The following CLEC12A variants were observed in gnomAD, a reference collection of about 807,000 sequenced individuals.
CLEC12A encodes C-type lectin protein CLL-1.
In CLEC12A, 22 loss-of-function variants were observed where a neutral mutation model predicts 26.5. The observed-to-expected ratio is 0.83, with a 90% confidence interval of 0.59 to 1.19. CLEC12A has a LOEUF of 1.19. CLEC12A is among the 50% of genes most tolerant of loss of function. The probability of loss-of-function intolerance (pLI) is 0.00; values close to 1 mark genes in which losing one functional copy is unlikely to be tolerated. For missense variants in CLEC12A, 353 were observed against 315.6 expected, an observed-to-expected ratio of 1.12 and a Z score of -0.90; for synonymous variants, 119 against 101.9, an observed-to-expected ratio of 1.17 and a Z score of -1.01.
rs752486060 is a variant in CLEC12A, at chr12:9,982,115, C to T, written c.627C>T (p.Ile209=). Residue 209 remains isoleucine, a synonymous_variant, in exon 5 of 6, where the codon ATC becomes ATT. Transcript: ENST00000304361. ...STRGMRVDNI[I]NSSAWVIRNA... ...GTGGTATGAGAGTGGATAATATAAT[C>T]AACTCCTCTGCCTGGTAAGTGTCTA... is the stretch of plus-strand genomic sequence containing the variant. 1 of 1,558,540 alleles carries T rather than the reference C, an allele frequency of 6.4e-7. No homozygotes were observed. The highest frequency in any genetic ancestry group is 1.1e-5 in the South Asian group (1 of 89,574).
Position 9,979,062 on chromosome 12 carries a change from T to C in CLEC12A, c.188T>C (p.Met63Thr). 6.2e-7 allele frequency: 1 copy of C among 1,610,936 alleles called. No homozygotes were observed. The highest frequency in any genetic ancestry group is 8.5e-7 in the Non-Finnish European group (1 of 1,177,124). Residue 63 changes from methionine to threonine, a missense_variant and splice_region_variant, in exon 2 of 6, where the codon ATG becomes ACG. Met to Thr is a moderately conservative substitution (Grantham distance 81, BLOSUM62 -1). Transcript: ENST00000304361. ...LLIGLGVLASMFHVTLKIEMK... is the reference protein window; with the variant it reads ...LLIGLGVLASTFHVTLKIEMK... ...ATTGGATTGGGAGTCTTGGCAAGCA[T>C]GTGTATGTACTGCCCCTGTTTTTGT... is the stretch of plus-strand genomic sequence containing the variant.
chr12:9,962,007 T>C (rs906081879), intron 1 of CLEC12A, among the ~76,000 whole-genome samples: 2 of 152,154 alleles, frequency 1.3e-5, no homozygotes, highest in African/African-American at 4.8e-5. Flanking sequence ...AGGAAATGGA[T>C]ATGGAGTTGT....
rs184086895 is a variant in CLEC12A at position 9,993,805 on chromosome 12, A to G, written n.1005-1213A>G. On this transcript the variant is annotated intron_variant and non_coding_transcript_variant, in intron 4 of 4. Coordinates refer to the CLEC12A transcript ENST00000449959. Reference sequence around the variant, plus strand: ...GTATTGTAATTGTCTGTTAAGTTATATTTCTTTCTTTCTAAACTGCTTATA... The same window carrying G: ...GTATTGTAATTGTCTGTTAAGTTATGTTTCTTTCTTTCTAAACTGCTTATA... 5.3e-4 allele frequency among the ~76,000 whole-genome samples: 80 copies of G among 152,242 alleles called. 1 individual carries two copies. The highest frequency in any genetic ancestry group is 1.9e-3 in the African/African-American group (79 of 41,576).
intron 1 of CLEC12A, among the ~76,000 whole-genome samples, chr12:9,957,172 T>C (rs1160650865): frequency 4.6e-5 from 7 of 151,984 alleles, no homozygotes; most frequent in Non-Finnish European, 1.0e-4. Flanking sequence ...AAAGGGCAGA[T>C]ATTGGGGAAA....
downstream of CLEC12A, among the ~76,000 whole-genome samples, chr12:9,996,063 T>C (rs1296746113): frequency 6.6e-6 from 1 of 152,160 alleles, no homozygotes; most frequent in Non-Finnish European, 1.5e-5. Flanking sequence ...CAAGTGATAA[T>C]GCATTCTTGG....
chr12:9,961,189 T>G lies in CLEC12A; in HGVS notation c.10+9833T>G, dbSNP rs117564390. ...GGTTGTAGAGACCAAGGTTTTATCA[T>G]GCAAATGAAGCCTCCAGACAGCAGA... is the stretch of plus-strand genomic sequence containing the variant. On this transcript the variant is annotated intron_variant, in intron 1 of 6. Coordinates refer to the CLEC12A transcript ENST00000355690. Among the ~76,000 whole-genome samples, 907 of 152,326 alleles carry G rather than the reference T, an allele frequency of 6.0e-3. 3 individuals carry two copies. The highest frequency in any genetic ancestry group is 0.01 in the Non-Finnish European group (703 of 68,024).
Position 9,985,191 on chromosome 12 carries a change from G to C in CLEC12A, c.*165G>C, listed in dbSNP as rs1218600996. Reference sequence around the variant, plus strand: ...GCAAGCTTCAGAGAGAATAGACTGTGAATGTTAATGCCAGAGAGGTATAAT... The same window carrying C: ...GCAAGCTTCAGAGAGAATAGACTGTCAATGTTAATGCCAGAGAGGTATAAT... On this transcript the variant is annotated 3_prime_UTR_variant, in exon 6 of 6. Coordinates refer to ENST00000304361, the MANE Select transcript of CLEC12A (RefSeq NM_138337.6). 5.9e-6 allele frequency: 4 copies of C among 676,694 alleles called. No homozygotes were observed. The highest frequency in any genetic ancestry group is 8.6e-6 in the Non-Finnish European group (4 of 466,096). 41.9% of individuals were successfully genotyped at this position (676,694 alleles called of 1,614,324 possible).
upstream of CLEC12A, among the ~76,000 whole-genome samples, chr12:9,966,710 G>A (rs56060582): frequency 0.57 from 85,158 of 149,058 alleles, 24,766 homozygotes; most frequent in South Asian, 0.71. Flanking sequence ...CTTTGAAGGC[G>A]AGGTTAATTA....
rs554515332 is a variant in CLEC12A at position 9,982,231 on chromosome 12, T to G, written c.641+102T>G. ...AATTAAAACCAGCTTCAATTGAAAT[T>G]GCATGCTAAAAGAACCCTTTTCTAT... On this transcript the variant is annotated intron_variant, in intron 5 of 5. Coordinates refer to ENST00000304361, the MANE Select transcript of CLEC12A (RefSeq NM_138337.6). The G allele has an allele frequency of 1.5e-5, 10 of 659,434 alleles. No homozygotes were observed. The African/African-American group carries it at 1.9e-4, about 12-fold the overall frequency. 40.8% of individuals were successfully genotyped at this position (659,434 alleles called of 1,614,324 possible). A position where few individuals can be genotyped will look rare whatever the true frequency, so the allele number is the denominator to read the frequency against.
upstream of CLEC12A, among the ~76,000 whole-genome samples, chr12:9,970,891 GCTTTTAA>G (rs977706570): frequency 6.6e-6 from 1 of 152,112 alleles, no homozygotes; most frequent in Non-Finnish European, 1.5e-5. Flanking sequence ...AATTACTTTT[GCTTTTAA>G]TGGCAAAAAC....
chr12:9,994,833 G>GCACACA (rs34982294), intron 4 of CLEC12A, among the ~76,000 whole-genome samples: 16 of 150,766 alleles, frequency 1.1e-4, no homozygotes, highest in South Asian at 2.1e-4. Context: ...GTGCATGCGC[G>GCACACA]CACACACACA....
At chr12:9,996,902 G>A, downstream of CLEC12A, 1 of 1,613,886 alleles carries the variant, frequency 6.2e-7, no homozygotes, top group Non-Finnish European at 8.5e-7. Flanking sequence ...GTGCAGTACT[G>A]CTTACTCTCT....
Position 9,982,075 on chromosome 12 carries a change from A to C in CLEC12A, c.587A>C (p.Glu196Ala). Residue 196 changes from glutamate to alanine, a missense_variant, in exon 5 of 6, where the codon GAA becomes GCA. Glu to Ala is a moderately radical substitution (Grantham distance 107). Transcript: ENST00000304361. ...SYDYWLGLSP[E>A]EDSTRGMRVD... is the part of the protein sequence containing the mutation. ...GACTATTGGCTGGGATTATCTCCTG[A>C]AGAAGATTCCACTCGTGGTATGAGA... 1 of 1,602,362 alleles carries C rather than the reference A, an allele frequency of 6.2e-7. No homozygotes were observed. The highest frequency in any genetic ancestry group is 8.5e-7 in the Non-Finnish European group (1 of 1,170,150).
chr12:9,997,133 T>C (rs373257247), downstream of CLEC12A: 8 of 1,613,326 alleles, frequency 5.0e-6, no homozygotes, highest in Non-Finnish European at 4.2e-6. Context: ...GTTGGAGAGA[T>C]GAAGAGGTTA....
downstream of CLEC12A, among the ~76,000 whole-genome samples, chr12:9,998,026 A>G (rs896420959): frequency 6.6e-6 from 1 of 152,164 alleles, no homozygotes; most frequent in African/African-American, 2.4e-5. Flanking sequence ...TTGGATCCAC[A>G]CTGAGGAGGG....
At chr12:9,963,739 C>T (rs2137111335) in intron 1 of CLEC12A, among the ~76,000 whole-genome samples, 1 of 152,186 alleles carries the variant, frequency 6.6e-6, no homozygotes. Context: ...AAGAAGAGAC[C>T]TTGTGCGAGG....
downstream of CLEC12A, chr12:9,997,389 T>A: frequency 2.2e-6 from 2 of 903,382 alleles, no homozygotes; most frequent in East Asian, 2.7e-5. Flanking sequence ...ATGAGGAGTT[T>A]ACTAGATACA....
At chr12:9,977,084 C>T (rs1421201293) in intron 1 of CLEC12A, among the ~76,000 whole-genome samples, 1 of 152,136 alleles carries the variant, frequency 6.6e-6, no homozygotes. Context: ...AATACACATG[C>T]TAACCCTAAA....
At chr12:9,973,927 C>A (rs1779633432) in intron 1 of CLEC12A, among the ~76,000 whole-genome samples, 1 of 152,168 alleles carries the variant, frequency 6.6e-6, no homozygotes, top group South Asian at 2.1e-4. Context: ...AAAACACAAT[C>A]CTTGCTTGAC....
Sources: gnomAD v4.1 joint callset for allele counts (sites outside exome capture counted in the v4.1 genomes callset) on GRCh38, gnomAD v4.1.1 for gene constraint, MANE v1.5 for transcripts, NCBI Gene and HGNC (gene_info 2026-07-23, HGNC 2026-07-21) for gene names.